The following MYH7B variants were observed in gnomAD, a reference collection of about 807,000 sequenced individuals.
MYH7B encodes myosin-7B.
A neutral mutation model predicts 234.5 loss-of-function variants in MYH7B; 205 were observed. The observed-to-expected ratio is 0.87, with a 90% confidence interval of 0.78 to 0.98. The LOEUF (loss-of-function observed/expected upper bound fraction) is 0.98, where lower values mean the gene tolerates loss of function less well. MYH7B is among the 50% of genes least tolerant of loss of function. The pLI is 0.00. For synonymous variants in MYH7B, 1,193 were observed against 1,105.0 expected (o/e 1.08, Z -1.58); for missense variants, 2,652 against 2,633.4 (o/e 1.01, Z -0.15).
rs779181415 is a variant in MYH7B, at chr20:34,984,839, C to A, written c.649-15C>A. The A allele has an allele frequency of 1.2e-6, 2 of 1,610,446 alleles. No homozygotes were observed. The highest frequency in any genetic ancestry group is 1.7e-6 in the Non-Finnish European group (2 of 1,176,900). On this transcript the variant is annotated splice_polypyrimidine_tract_variant and intron_variant, in intron 11 of 44. Coordinates refer to ENST00000262873, the Ensembl canonical transcript of MYH7B. ...GCACCAGAACTGACAGACCCCCTCA[C>A]CCCCACCGCCCCAGGGCACCCTTGA...
intron 1 of MYH7B, among the ~76,000 whole-genome samples, chr20:34,957,196 A>G (rs2147144344): frequency 6.6e-6 from 1 of 152,322 alleles, no homozygotes; most frequent in East Asian, 1.9e-4. Flanking sequence ...TTGGAGAGGT[A>G]GCCTCAGACG....
In MYH7B at chr20:34,997,459, C is replaced by T. The variant is rs771430190; in HGVS notation, c.3566C>T (p.Ala1189Val). 73 of 1,493,152 alleles carry T rather than the reference C, an allele frequency of 4.9e-5. No homozygotes were observed. The highest frequency in any genetic ancestry group is 1.0e-4 in the South Asian group (8 of 76,532). The allele number at this position is 1,493,152 out of a possible 1,614,324, so 92.5% of individuals were successfully genotyped here. A position where few individuals can be genotyped will look rare whatever the true frequency, so the allele number is the denominator to read the frequency against. The change falls in exon 32 of 45, where the codon GCG becomes GTG. Residue 1189 changes from alanine to valine, a missense_variant. Transcript: ENST00000262873. ...CTGCGGCGGGAGCTGGAGGAGGCGG[C>T]GCTGCGGCACGAGGCCACAGTGGCG...
chr20:34,988,192 G>A (rs1318302955), exon 19 of MYH7B: 7 of 1,614,154 alleles, frequency 4.3e-6, no homozygotes, highest in Non-Finnish European at 5.9e-6. Context: ...GAGTACAAGC[G>A]GGAGGGCATC....
At chr20:34,987,026 C>T (rs1244282620) in intron 15 of MYH7B, 37 bp downstream of exon 15, 1 of 1,610,448 alleles carries the variant, frequency 6.2e-7, no homozygotes, top group East Asian at 2.2e-5. Context: ...GTGTGGACGC[C>T]TGTGGTGGAA....
rs781666609 is a variant in MYH7B, at chr20:35,000,367, T to C, written c.4856T>C (p.Leu1619Pro). ...GAGACACGGGCCCGCAATGAGGCGC[T>C]GCGGCTCAAGAAGAAGATGGAGGGT... The change falls in exon 39 of 45, where the codon CTG becomes CCG. Residue 1619 changes from leucine (L) to proline (P), a missense_variant. Around this residue, in one of 3 missense-constraint regions of MYH7B, gnomAD observed 2,279 missense variants for 2,211.4 expected, o/e 1.03. Transcript: ENST00000262873. 1 of 1,598,922 alleles carries C rather than the reference T, an allele frequency of 6.3e-7. No individual in the cohort carries two copies. The highest frequency in any genetic ancestry group is 8.5e-7 in the Non-Finnish European group (1 of 1,179,890).
Position 34,995,440 on chromosome 20 carries a change from T to A in MYH7B, c.2805T>A (p.Asp935Glu), listed in dbSNP as rs199991074. 4.3e-6 allele frequency: 7 copies of A among 1,613,440 alleles called. No homozygotes were observed. In the African/African-American group the frequency reaches 8.0e-5, roughly 18 times the overall value. The change falls in exon 28 of 45, where the codon GAT becomes GAA. Residue 935 changes from aspartate to glutamate, a missense_variant. Physicochemically the swap from Asp to Glu is conservative, Grantham distance 45. Transcript: ENST00000262873. ...AGGAGCTGAGTGAGCGGCTGGAGGA[T>A]GAGGAGGAGGTGAACGCTGACCTGG...
intron 24 of MYH7B, among the ~76,000 whole-genome samples, chr20:34,992,350 C>T (rs1364510209): frequency 6.9e-6 from 1 of 144,014 alleles, no homozygotes; most frequent in Non-Finnish European, 1.5e-5. Context: ...CGTGCCACTG[C>T]ACTCCAGCCT....
chr20:35,001,172 C>T lies in MYH7B; in HGVS notation c.5475+14C>T, dbSNP rs760841552. The T allele has an allele frequency of 9.6e-5, 154 of 1,611,056 alleles. No homozygotes were observed. The highest frequency in any genetic ancestry group is 1.2e-4 in the Non-Finnish European group (147 of 1,178,008). On this transcript the variant is annotated intron_variant, in intron 41 of 44. Coordinates refer to ENST00000262873, the Ensembl canonical transcript of MYH7B. ...CTGGAGGCCAAGGTGTGTGCAGCCC[C>T]TCTAGTCCTTGGCGCAGGCAGGGTG...
chr20:34,973,199 T>C (rs527871769), intron 2 of MYH7B, among the ~76,000 whole-genome samples: 2 of 152,298 alleles, frequency 1.3e-5, no homozygotes, highest in East Asian at 3.9e-4. Context: ...CTCAAACTCC[T>C]GGCCTCAAGT....
At chr20:34,961,511 T>C (rs1600402913) in intron 2 of MYH7B, among the ~76,000 whole-genome samples, 1 of 152,240 alleles carries the variant, frequency 6.6e-6, no homozygotes, top group African/African-American at 2.4e-5. Context: ...TCATGCACCA[T>C]AAAACTCCCC....
In MYH7B at chr20:34,994,330, C is replaced by A. The variant is rs200371401; in HGVS notation, c.2629C>A (p.Arg877Ser). ...GGCGCTGGCTGCGGCCGAGGCCAAG[C>A]GCCAGGAACTGGAGGAGACGCACGT... The change falls in exon 27 of 45, where the codon CGC (arginine) becomes AGC (serine). Residue 877 changes from arginine (R) to serine (S), a missense_variant. Physicochemically the swap from Arg to Ser is moderately radical, Grantham distance 110. Transcript: ENST00000262873. 15 of 1,609,170 alleles carry A rather than the reference C, an allele frequency of 9.3e-6. No individual in the cohort carries two copies. The highest frequency in any genetic ancestry group is 1.1e-5 in the Non-Finnish European group (13 of 1,177,826).
chr20:34,999,180 C>G (rs973866423), exon 36 of MYH7B: 38 of 1,613,386 alleles, frequency 2.4e-5, no homozygotes, highest in Non-Finnish European at 2.9e-5. Context: ...AACCCTGGAG[C>G]TGGAGCGGGC....
chr20:34,967,501 C>A (rs1775642629), intron 2 of MYH7B, among the ~76,000 whole-genome samples: 1 of 151,972 alleles, frequency 6.6e-6, no homozygotes, highest in Non-Finnish European at 1.5e-5. Context: ...CCTCCCTCTG[C>A]CCCTCACCCC....
At chr20:34,995,253 TC>T (rs2082232486) in intron 27 of MYH7B, 82 bp from the exon 28 acceptor site, 20 of 1,430,248 alleles carry the variant, frequency 1.4e-5, no homozygotes, top group Non-Finnish European at 1.9e-5. Flanking sequence ...AGAGGCAGTT[TC>T]CTCTCCAGGG....
intron 24 of MYH7B, among the ~76,000 whole-genome samples, chr20:34,992,561 G>GTTTT (rs71196773): frequency 2.5e-5 from 3 of 118,320 alleles, no homozygotes; most frequent in Non-Finnish European, 5.1e-5. Context: ...CCAAGGTTGT[G>GTTTT]TTTTTTTTTT....
At chr20:34,987,955 G>A (rs370720833) in intron 18 of MYH7B, 41 bp downstream of exon 18, 1 of 1,564,206 alleles carries the variant, frequency 6.4e-7, no homozygotes, top group African/African-American at 1.4e-5. Flanking sequence ...TCTCTCCAAG[G>A]TAGAGGACAT....
chr20:34,981,088 G>A (rs2081935390), intron 9 of MYH7B, 28 bp downstream of exon 9: 3 of 1,612,778 alleles, frequency 1.9e-6, no homozygotes, highest in Non-Finnish European at 2.5e-6. Flanking sequence ...GGGGTGGGGT[G>A]GAAAATGCTG....
At chr20:34,994,936 G>T (rs146115448) in intron 27 of MYH7B, among the ~76,000 whole-genome samples, 40 of 152,354 alleles carry the variant, frequency 2.6e-4, no homozygotes, top group African/African-American at 9.4e-4. Context: ...GACGCAGCTG[G>T]ACAGTAAGGA....
intron 10 of MYH7B, 40 bp downstream of exon 10, chr20:34,982,595 C>T (rs376691049): frequency 1.5e-5 from 22 of 1,424,196 alleles, no homozygotes; most frequent in African/African-American, 1.5e-4. Flanking sequence ...CGTTGCTTCT[C>T]GCTGTTTTTC....
Sources: gnomAD v4.1 joint callset for allele counts (sites outside exome capture counted in the v4.1 genomes callset) on GRCh38, gnomAD v4.1.1 for gene constraint, gnomAD v4.1.1 regional missense constraint, MANE v1.5 for transcripts, NCBI Gene and HGNC (gene_info 2026-07-23, HGNC 2026-07-21) for gene names.